Variants in PSD3 observed in about 807,000 individuals in gnomAD.
The protein encoded by PSD3 is pleckstrin and Sec7 domain containing 3, also known as PH and SEC7 domain-containing protein 3.
In PSD3, 49 loss-of-function variants were observed where a neutral mutation model predicts 105.5. The ratio of observed to expected loss-of-function variants is 0.46; its 90% CI spans 0.37 to 0.59. The LOEUF is 0.59. PSD3 is among the 20% of genes least tolerant of loss of function. The pLI is 0.00. For synonymous variants in PSD3, 557 were observed against 457.8 expected (o/e 1.22, Z -2.77); for missense variants, 1,561 against 1,263.8 (o/e 1.24, Z -3.57).
At chr8:18,697,185 A>G (rs1270728982) in intron 9 of PSD3, among the ~76,000 whole-genome samples, 1 of 152,192 alleles carries the variant, frequency 6.6e-6, no homozygotes, top group Non-Finnish European at 1.5e-5. Context: ...TGTGTATTTT[A>G]CACTCCCAGA....
intron 9 of PSD3, among the ~76,000 whole-genome samples, chr8:18,688,377 G>A (rs1037367912): frequency 6.6e-6 from 1 of 152,154 alleles, no homozygotes; most frequent in Non-Finnish European, 1.5e-5. Flanking sequence ...GATTATGGGC[G>A]TGAGCCACTG....
exon 1 of PSD3, chr8:19,084,391 C>T (rs571302431): frequency 1.5e-5 from 7 of 456,254 alleles, no homozygotes; most frequent in South Asian, 4.6e-5. Context: ...CCATCTGCAG[C>T]GTGGACCAGG....
At chr8:18,909,788 G>C (rs557344709) in intron 2 of PSD3, among the ~76,000 whole-genome samples, 18 of 152,294 alleles carry the variant, frequency 1.2e-4, no homozygotes, top group Admixed American at 3.9e-4. Flanking sequence ...CAGTCCTGTA[G>C]TTGTTTTTAA....
intron 1 of PSD3, among the ~76,000 whole-genome samples, chr8:19,048,158 C>CGGCTG (rs1828390981): frequency 6.6e-6 from 1 of 152,158 alleles, no homozygotes; most frequent in South Asian, 2.1e-4. Flanking sequence ...CCAAGCTTCA[C>CGGCTG]GGCTGCCCTC....
chr8:18,946,835 A>G (rs188299436), intron 1 of PSD3, among the ~76,000 whole-genome samples: 20 of 148,822 alleles, frequency 1.3e-4, no homozygotes, highest in African/African-American at 4.9e-4. Flanking sequence ...AACCTGGGAG[A>G]CGAAGGTTGC....
At chr8:19,071,554 G>C (rs920296626) in intron 1 of PSD3, among the ~76,000 whole-genome samples, 1 of 152,154 alleles carries the variant, frequency 6.6e-6, no homozygotes, top group African/African-American at 2.4e-5. Context: ...AGAGGGCCTT[G>C]GCTTGAGCCT....
At chr8:19,081,229 C>T (rs1586704806) in intron 1 of PSD3, among the ~76,000 whole-genome samples, 1 of 147,790 alleles carries the variant, frequency 6.8e-6, no homozygotes, top group East Asian at 1.9e-4. Flanking sequence ...ACACCTAGGC[C>T]TTCACTGCTT....
At chr8:18,878,487 T>C (rs747569047) in intron 2 of PSD3, among the ~76,000 whole-genome samples, 4 of 152,162 alleles carry the variant, frequency 2.6e-5, no homozygotes, top group African/African-American at 9.7e-5. Flanking sequence ...AGGCAGCCCA[T>C]GAATACCCTG....
intron 9 of PSD3, among the ~76,000 whole-genome samples, chr8:18,695,370 G>C (rs4360328): frequency 0.91 from 138,438 of 152,238 alleles, 63,442 homozygotes; most frequent in Middle Eastern, 0.96. Flanking sequence ...CAGCATCTTT[G>C]ATGCCTCCTG....
At chr8:18,709,530 C>T (rs546545451) in intron 9 of PSD3, among the ~76,000 whole-genome samples, 1 of 152,312 alleles carries the variant, frequency 6.6e-6, no homozygotes, top group South Asian at 2.1e-4. Context: ...TGATCCTGTG[C>T]CCCCTGACTA....
At chr8:18,816,566 T>C (rs528548066) in intron 4 of PSD3, among the ~76,000 whole-genome samples, 3 of 152,390 alleles carry the variant, frequency 2.0e-5, no homozygotes, top group African/African-American at 7.2e-5. Flanking sequence ...TAATTAAGTA[T>C]ACACAACCAA....
intron 4 of PSD3, among the ~76,000 whole-genome samples, chr8:18,851,008 A>G (rs963942818): frequency 6.6e-6 from 1 of 152,328 alleles, no homozygotes; most frequent in East Asian, 1.9e-4. Flanking sequence ...GACAAAGTGC[A>G]AGGACACCAG....
At chr8:18,949,244 A>AATATATATATATATATATATATATAT (rs1215845074) in intron 1 of PSD3, among the ~76,000 whole-genome samples, 1 of 14,404 alleles carries the variant, frequency 6.9e-5, no homozygotes, top group Non-Finnish European at 1.8e-4. Context: ...AAAAAAAAAA[A>AATATATATATATATATATATATATAT]ATATATATAT....
At chr8:18,949,279 T>TATA (rs1563453978) in intron 1 of PSD3, among the ~76,000 whole-genome samples, 28 of 78,252 alleles carry the variant, frequency 3.6e-4, no homozygotes, top group South Asian at 1.0e-3. Context: ...ATATATATAT[T>TATA]TATAGTTTTC....
chr8:18,882,284 A>C (rs1166131649), intron 2 of PSD3, among the ~76,000 whole-genome samples: 1 of 152,194 alleles, frequency 6.6e-6, no homozygotes, highest in East Asian at 1.9e-4. Context: ...TAAGCAAAAC[A>C]CTATATGTTA....
intron 1 of PSD3, among the ~76,000 whole-genome samples, chr8:19,032,812 T>G (rs1430160762): frequency 1.3e-5 from 2 of 152,274 alleles, no homozygotes; most frequent in Admixed American, 1.3e-4. Context: ...GTGTAGAAAT[T>G]ACATCTCACT....
chr8:18,950,668 A>G (rs1405448023), intron 1 of PSD3, among the ~76,000 whole-genome samples: 1 of 152,194 alleles, frequency 6.6e-6, no homozygotes, highest in Non-Finnish European at 1.5e-5. Context: ...TTTTCACTTC[A>G]TAACATCACT....
At chr8:18,615,079 T>C (rs528927936) in intron 11 of PSD3, among the ~76,000 whole-genome samples, 4 of 152,312 alleles carry the variant, frequency 2.6e-5, no homozygotes, top group South Asian at 2.1e-4. Context: ...TCAAAGAATA[T>C]GTCAATATGT....
At chr8:18,918,408 T>C (rs930291290) in intron 2 of PSD3, among the ~76,000 whole-genome samples, 1 of 152,246 alleles carries the variant, frequency 6.6e-6, no homozygotes, top group African/African-American at 2.4e-5. Context: ...TTACCTCTAC[T>C]GTAGCAGGTA....
Sources: allele counts gnomAD v4.1 joint callset (sites outside exome capture counted in the v4.1 genomes callset), GRCh38; gene constraint gnomAD v4.1.1; transcripts MANE v1.5; gene names NCBI Gene and HGNC (gene_info 2026-07-23, HGNC 2026-07-21).